PITPNM2: variants seen among roughly 807,000 people sequenced by gnomAD.
PITPNM2 encodes membrane-associated phosphatidylinositol transfer protein 2.
Under a neutral mutation model 132.2 loss-of-function variants are expected in PITPNM2, and 35 were observed. That is an observed-to-expected ratio of 0.26 (90% confidence interval 0.20 to 0.35). The LOEUF is 0.35. PITPNM2 is among the 10% of genes least tolerant of loss of function. The pLI is 1.00. For missense variants in PITPNM2, 1,332 were observed against 1,912.0 expected (o/e 0.70, Z 5.66); for synonymous variants, 738 against 799.2 (o/e 0.92, Z 1.29).
At position 122,988,823 on chromosome 12, in the gene PITPNM2, G is replaced by A; in HGVS notation, c.2781C>T (p.Cys927=). The part of the protein sequence containing the change: ...GQKRIDYALY[C]PDALTAFPTV... ...TGGGGAAGGCCGTGAGGGCGTCAGG[G>A]CAGTACAGGGCGTAGTCGATCCGCT... is the stretch of plus-strand genomic sequence containing the variant. The change falls in exon 19 of 26, where the codon TGC becomes TGT. Residue 927 remains cysteine (C), a synonymous_variant. Transcript: ENST00000320201. The A allele has an allele frequency of 6.3e-7, 1 of 1,584,238 alleles. No homozygotes were observed. Among genetic ancestry groups the A allele is most frequent in the Non-Finnish European group, 8.6e-7 (1 of 1,165,378 alleles).
intron 1 of PITPNM2, among the ~76,000 whole-genome samples, chr12:123,123,887 GATCGCACCACCGC>G (rs1566302423): frequency 1.4e-5 from 2 of 147,740 alleles, no homozygotes; most frequent in Non-Finnish European, 3.0e-5. Flanking sequence ...AGTGAGTGGA[GATCGCACCACCGC>G]ACTCTACCCT....
intron 11 of PITPNM2, 120 bp from the exon 12 acceptor site, chr12:122,997,030 C>A: frequency 9.0e-7 from 1 of 1,108,356 alleles, no homozygotes; most frequent in East Asian, 2.6e-5. Context: ...CCCTTCCCGG[C>A]CAGGGCCTGG....
chr12:123,043,690 G>A (rs1040503630), intron 2 of PITPNM2, among the ~76,000 whole-genome samples: 1 of 152,226 alleles, frequency 6.6e-6, no homozygotes, highest in African/African-American at 2.4e-5. Context: ...TTAGAGTTAA[G>A]TTATGAGGCA....
At chr12:122,997,217 C>G in intron 11 of PITPNM2, 108 bp downstream of exon 11, 1 of 1,520,964 alleles carries the variant, frequency 6.6e-7, no homozygotes, top group Non-Finnish European at 8.9e-7. Flanking sequence ...GCCGGTGGGT[C>G]TGGACATCGG....
At chr12:122,987,200 GTCC>G (rs1461835368) in intron 23 of PITPNM2, 78 bp downstream of exon 23, 9 of 1,578,872 alleles carry the variant, frequency 5.7e-6, no homozygotes, top group East Asian at 4.5e-5. Context: ...AGGCTCCGCT[GTCC>G]TCCTCCACCT....
chr12:123,010,283 A>T (rs1455457367), intron 5 of PITPNM2, among the ~76,000 whole-genome samples: 8 of 152,162 alleles, frequency 5.3e-5, no homozygotes, highest in African/African-American at 1.9e-4. Flanking sequence ...GCATTCATTC[A>T]TTCAGATAAG....
chr12:123,018,535 A>C (rs1419975087), intron 3 of PITPNM2, among the ~76,000 whole-genome samples: 1 of 151,560 alleles, frequency 6.6e-6, no homozygotes, highest in Non-Finnish European at 1.5e-5. Context: ...CCTGACCCCA[A>C]GTGATCCGCC....
rs2043699547 is a variant in PITPNM2 at position 123,150,189 on chromosome 12, T to G, written c.-200+564A>C. Among the ~76,000 whole-genome samples the G allele has an allele frequency of 6.6e-6, 1 of 151,830 alleles. No individual in the cohort carries two copies. The highest frequency in any genetic ancestry group is 1.5e-5 in the Non-Finnish European group (1 of 67,962). ...AGCCCTGCCACGGATAAGAAAGGAT[T>G]CGGGGTGGGAAGAAGACAGAGCCGG... On this transcript the variant is annotated intron_variant, in intron 1 of 25. Coordinates refer to ENST00000320201, the MANE Select transcript of PITPNM2 (RefSeq NM_020845.3). The surrounding 1 kb of genome is among the most constrained non-coding windows in gnomAD (Gnocchi z 6.0).
At chr12:123,125,338 A>T (rs182977255) in intron 1 of PITPNM2, among the ~76,000 whole-genome samples, 1 of 152,174 alleles carries the variant, frequency 6.6e-6, no homozygotes, top group African/African-American at 2.4e-5. Flanking sequence ...TAGAGAAGGA[A>T]GAAGTTAGGT....
At chr12:123,146,096 G>A (rs1451164593) in intron 1 of PITPNM2, among the ~76,000 whole-genome samples, 1 of 152,096 alleles carries the variant, frequency 6.6e-6, no homozygotes, top group East Asian at 1.9e-4. Flanking sequence ...ATAAGTGGGA[G>A]CTAAAGGTGA....
intron 1 of PITPNM2, among the ~76,000 whole-genome samples, chr12:123,143,278 A>G (rs1274171838): frequency 2.0e-5 from 3 of 152,146 alleles, no homozygotes; most frequent in African/African-American, 7.2e-5. Context: ...GGGAAGCCCA[A>G]GGGCCTGATT....
chr12:123,145,087 G>A (rs1323951242), intron 1 of PITPNM2, among the ~76,000 whole-genome samples: 1 of 152,050 alleles, frequency 6.6e-6, no homozygotes, highest in Non-Finnish European at 1.5e-5. Flanking sequence ...TGAGGCAGGA[G>A]GATCATTGGG....
chr12:123,127,710 C>T (rs1220270020), intron 1 of PITPNM2, among the ~76,000 whole-genome samples: 4 of 151,366 alleles, frequency 2.6e-5, no homozygotes, highest in East Asian at 2.0e-4. Flanking sequence ...CCCGGGTTCA[C>T]GCCATTCTCC....
rs953339606 is a variant in PITPNM2, at chr12:122,993,134, T to A, written c.2234-465A>T. On this transcript the variant is annotated intron_variant, in intron 15 of 25. Coordinates refer to ENST00000320201, the MANE Select transcript of PITPNM2 (RefSeq NM_020845.3). This position sits in a 1 kb window ranked among gnomAD's most constrained non-coding sequence, Gnocchi z 5.2. ...GAGCCACCACGCCTGACCTCTAATT[T>A]TTTTTCATTGCAAAAGTTATAATGA... Among the ~76,000 whole-genome samples, 5 of 152,266 alleles carry A rather than the reference T, an allele frequency of 3.3e-5. No individual in the cohort carries two copies. The highest frequency in any genetic ancestry group is 9.6e-5 in the African/African-American group (4 of 41,562).
chr12:123,000,623 A>G lies in PITPNM2; in HGVS notation c.1224+155T>C. ...CTTCCTAGCAGGGCAGCAAAAAAGGAGGCCCAGGCCTCTCCCCAGACAGTA... is the reference window on the plus strand; with the variant it reads ...CTTCCTAGCAGGGCAGCAAAAAAGGGGGCCCAGGCCTCTCCCCAGACAGTA... On this transcript the variant is annotated intron_variant, in intron 10 of 25. Coordinates refer to ENST00000320201, the MANE Select transcript of PITPNM2 (RefSeq NM_020845.3). The surrounding 1 kb of genome is among the most constrained non-coding windows in gnomAD (Gnocchi z 5.4). 1.2e-6 allele frequency: 1 copy of G among 821,224 alleles called. No homozygotes were observed. The highest frequency in any genetic ancestry group is 1.7e-5 in the African/African-American group (1 of 58,268). 50.9% of individuals were successfully genotyped at this position (821,224 alleles called of 1,614,324 possible).
chr12:123,089,005 G>C (rs1474985065), intron 2 of PITPNM2: 1 of 152,178 alleles, frequency 6.6e-6, no homozygotes, highest in Non-Finnish European at 1.5e-5. Flanking sequence ...ATAAATGTTA[G>C]CTGCTGTTGG....
intron 2 of PITPNM2, among the ~76,000 whole-genome samples, chr12:123,057,947 G>C (rs1225688133): frequency 6.6e-6 from 1 of 152,182 alleles, no homozygotes; most frequent in African/African-American, 2.4e-5. Context: ...TCCAGAGGTT[G>C]GAATGTGACC....
intron 2 of PITPNM2, among the ~76,000 whole-genome samples, chr12:123,048,602 CG>C (rs1388346296): frequency 6.6e-6 from 1 of 150,602 alleles, no homozygotes; most frequent in African/African-American, 2.4e-5. Flanking sequence ...TTAGTAGAGA[CG>C]GGGTTTCACC....
rs1440744092 is a variant in PITPNM2 at position 123,151,086 on chromosome 12, C to A, written c.-533G>T. Among the ~76,000 whole-genome samples the A allele has an allele frequency of 4.8e-5, 7 of 146,010 alleles. No individual in the cohort carries two copies. Among genetic ancestry groups the A allele is most frequent in the Middle Eastern group, 3.5e-3 (1 of 286 alleles). ...GGTGCCCCGCGCACCCCAGCGGCCG[C>A]TGCTGCCCGCGCGCGCCGGGCCGGG... On this transcript the variant is annotated 5_prime_UTR_variant, in exon 1 of 26. Transcript: ENST00000320201.
Sources: gnomAD v4.1 joint callset for allele counts (sites outside exome capture counted in the v4.1 genomes callset) on GRCh38, gnomAD v4.1.1 for gene constraint, Gnocchi (gnomAD v3.1) non-coding constraint, MANE v1.5 for transcripts, NCBI Gene and HGNC (gene_info 2026-07-23, HGNC 2026-07-21) for gene names.